Variants in ADAMTS18 observed in about 807,000 individuals in gnomAD.
ADAMTS18 encodes ADAM metallopeptidase with thrombospondin type 1 motif 18.
In ADAMTS18, 157 loss-of-function variants were observed where a neutral mutation model predicts 165.9. The observed-to-expected ratio is 0.95, with a 90% CI of 0.83 to 1.08. The LOEUF (loss-of-function observed/expected upper bound fraction) is 1.08. Among genes scored for constraint, ADAMTS18 ranks in the 50% least tolerant of loss-of-function variants. The pLI is 0.00. For missense variants in ADAMTS18, 2,040 were observed against 1,534.0 expected, an observed-to-expected ratio of 1.33 and a Z score of -5.51; for synonymous variants, 782 against 578.2, an observed-to-expected ratio of 1.35 and a Z score of -5.06.
rs111637047 is a variant in ADAMTS18 at position 77,379,769 on chromosome 16, G to C, written c.496-12046C>G. ...GCCTCTCAAAGTACTGGCATTAAAG[G>C]TGTAAGCCACCGTGTCTGCCCCTAT... is the stretch of plus-strand genomic sequence containing the variant. On this transcript the variant is annotated intron_variant, in intron 3 of 22. Transcript: ENST00000282849. Among the ~76,000 whole-genome samples, 14 of 152,276 alleles carry C rather than the reference G, an allele frequency of 9.2e-5. 1 individual carries two copies. The highest frequency in any genetic ancestry group is 3.4e-4 in the African/African-American group (14 of 41,554).
At chr16:77,381,530 G>T (rs1311906344) in intron 3 of ADAMTS18, among the ~76,000 whole-genome samples, 15 of 151,982 alleles carry the variant, frequency 9.9e-5, no homozygotes, top group Admixed American at 9.8e-4. Context: ...TCGGCTGGGT[G>T]GGGTGGCTCA....
At chr16:77,386,611 T>G (rs1372256224) in intron 3 of ADAMTS18, among the ~76,000 whole-genome samples, 2 of 152,188 alleles carry the variant, frequency 1.3e-5, no homozygotes, top group Admixed American at 6.5e-5. Flanking sequence ...ATATTACTAG[T>G]CTGGTGCCTA....
intron 10 of ADAMTS18, among the ~76,000 whole-genome samples, chr16:77,346,003 C>T (rs1161471117): frequency 6.6e-6 from 1 of 152,190 alleles, no homozygotes; most frequent in Admixed American, 6.5e-5. Flanking sequence ...CTGGTTTAGC[C>T]ACACTGGCTC....
At chr16:77,421,810 A>C (rs779498259) in intron 3 of ADAMTS18, among the ~76,000 whole-genome samples, 11 of 152,174 alleles carry the variant, frequency 7.2e-5, no homozygotes, top group Non-Finnish European at 1.6e-4. Context: ...GAAGTGTCAT[A>C]TATCTCCATG....
intron 3 of ADAMTS18, among the ~76,000 whole-genome samples, chr16:77,417,081 C>T (rs977567332): frequency 1.3e-5 from 2 of 152,146 alleles, no homozygotes; most frequent in Non-Finnish European, 2.9e-5. Flanking sequence ...TTGCACATAC[C>T]TTAACTGTAA....
At position 77,294,431 on chromosome 16, in the gene ADAMTS18, GACA is replaced by G. The variant is rs1159869348; in HGVS notation, c.3006+489_3006+491del. Reference sequence around the variant, plus strand: ...TTAGAGGGAATTCTGAGCTGTGAACGACAAGGTAGCTCTCTGTCCCTTCTAACT... The same window carrying G: ...TTAGAGGGAATTCTGAGCTGTGAACGAGGTAGCTCTCTGTCCCTTCTAACT... On this transcript the variant is annotated intron_variant, in intron 19 of 22. Transcript: ENST00000282849. 2.4e-3 allele frequency among the ~76,000 whole-genome samples: 372 copies of G among 152,284 alleles called. 1 individual carries two copies. The highest frequency in any genetic ancestry group is 8.6e-3 in the African/African-American group (358 of 41,560).
chr16:77,424,350 C>G lies in ADAMTS18; in HGVS notation c.495+6945G>C, dbSNP rs148583098. On this transcript the variant is annotated intron_variant, in intron 3 of 22. Coordinates refer to ENST00000282849, the MANE Select transcript of ADAMTS18 (RefSeq NM_199355.4). ...GGACATGGCAGTGCATGCCTGTAAT[C>G]CTAGCTACTCAGGAAGCTGAGGCAG... 5.1e-3 allele frequency among the ~76,000 whole-genome samples: 779 copies of G among 152,222 alleles called. 7 individuals carry two copies. The highest frequency in any genetic ancestry group is 0.018 in the African/African-American group (753 of 41,534).
chr16:77,347,587 G>A (rs913907689), intron 10 of ADAMTS18, among the ~76,000 whole-genome samples: 3 of 151,944 alleles, frequency 2.0e-5, no homozygotes, highest in Non-Finnish European at 4.4e-5. Context: ...TGCATTTATT[G>A]ACTATGTGTA....
chr16:77,416,441 G>C (rs1321085764), intron 3 of ADAMTS18, among the ~76,000 whole-genome samples: 5 of 152,198 alleles, frequency 3.3e-5, no homozygotes, highest in Non-Finnish European at 7.3e-5. Flanking sequence ...GCCAGGTGGA[G>C]ATAACTGAAT....
chr16:77,336,006 G>T (rs1460007128), intron 11 of ADAMTS18, 102 bp from the exon 12 acceptor site: 7 of 1,437,910 alleles, frequency 4.9e-6, no homozygotes, highest in Non-Finnish European at 6.8e-6. Context: ...GGTCTGTTGG[G>T]AGAAAAGGAA....
intron 13 of ADAMTS18, among the ~76,000 whole-genome samples, chr16:77,325,645 C>A (rs113229521): frequency 6.9e-6 from 1 of 144,390 alleles, no homozygotes; most frequent in African/African-American, 2.6e-5. Context: ...CTTGGGTTTA[C>A]AGATGTGGGA....
intron 4 of ADAMTS18, among the ~76,000 whole-genome samples, chr16:77,367,067 GT>G (rs2056805861): frequency 6.6e-6 from 1 of 152,050 alleles, no homozygotes; most frequent in South Asian, 2.1e-4. Context: ...TAATGTTCTT[GT>G]TTCTGGAAGT....
chr16:77,398,031 G>T (rs2057280488), intron 3 of ADAMTS18, among the ~76,000 whole-genome samples: 1 of 151,974 alleles, frequency 6.6e-6, no homozygotes, highest in Admixed American at 6.6e-5. Context: ...TAAAGAAGAG[G>T]AAGGGCCGGG....
chr16:77,293,206 C>T lies in ADAMTS18; in HGVS notation c.3059G>A (p.Gly1020Asp), dbSNP rs1457258984. 1 of 1,613,930 alleles carries T rather than the reference C, an allele frequency of 6.2e-7. No homozygotes were observed. Among genetic ancestry groups the T allele is most frequent in the Non-Finnish European group, 8.5e-7 (1 of 1,179,960 alleles). ...CTCGGGGAGGGTTTCTGCGGCAGAGCCCTTGCAGAGGAGTTCACGCTTCCT... is the reference window on the plus strand; with the variant it reads ...CTCGGGGAGGGTTTCTGCGGCAGAGTCCTTGCAGAGGAGTTCACGCTTCCT... ...GVRKRELLCK[G>D]SAAETLPESQ... is the part of the protein sequence containing the mutation. Residue 1020 changes from glycine (G) to aspartate (D), a missense_variant, in exon 20 of 23, where the codon GGC becomes GAC. Coordinates refer to ENST00000282849, the MANE Select transcript of ADAMTS18 (RefSeq NM_199355.4).
intron 10 of ADAMTS18, among the ~76,000 whole-genome samples, chr16:77,349,264 T>A (rs1304696825): frequency 1.3e-5 from 2 of 151,900 alleles, no homozygotes; most frequent in African/African-American, 2.4e-5. Context: ...CCCTTTCGGT[T>A]CCTAAATAAG....
chr16:77,357,396 T>A (rs1040902677), intron 8 of ADAMTS18, among the ~76,000 whole-genome samples: 1 of 152,180 alleles, frequency 6.6e-6, no homozygotes, highest in Admixed American at 6.5e-5. Context: ...CAATGTATAC[T>A]CAGTGAAAGC....
chr16:77,434,229 G>A (rs973099227), intron 2 of ADAMTS18, among the ~76,000 whole-genome samples, 189 bp downstream of exon 2: 1 of 151,890 alleles, frequency 6.6e-6, no homozygotes, highest in Non-Finnish European at 1.5e-5. Flanking sequence ...CTTGCAGCTC[G>A]GGGCGTTGAT....
At chr16:77,325,845 A>T (rs2056085060) in intron 13 of ADAMTS18, 21 bp downstream of exon 13, 1 of 1,602,802 alleles carries the variant, frequency 6.2e-7, no homozygotes, top group Non-Finnish European at 8.5e-7. Flanking sequence ...ACTTATTTGA[A>T]TGTCATAGAG....
chr16:77,319,399 T>G (rs940491414), intron 16 of ADAMTS18, among the ~76,000 whole-genome samples: 2 of 152,200 alleles, frequency 1.3e-5, no homozygotes, highest in African/African-American at 4.8e-5. Context: ...AATCACTGTC[T>G]TCTCCCCTTT....
Sources: gnomAD v4.1 joint callset for allele counts (sites outside exome capture counted in the v4.1 genomes callset) on GRCh38, gnomAD v4.1.1 for gene constraint, MANE v1.5 for transcripts, NCBI Gene and HGNC (gene_info 2026-07-23, HGNC 2026-07-21) for gene names.